The following BABAM2 variants were observed in gnomAD, a reference collection of about 807,000 sequenced individuals.
BABAM2 encodes the protein BRISC and BRCA1-A complex member 2.
In BABAM2, 31 loss-of-function variants were observed where a neutral mutation model predicts 54.7. The ratio of observed to expected loss-of-function variants is 0.57; its 90% CI spans 0.43 to 0.77. The LOEUF (loss-of-function observed/expected upper bound fraction) is 0.77. Among genes scored for constraint, BABAM2 ranks in the 30% least tolerant of loss-of-function variants. The pLI, the probability that BABAM2 is intolerant of heterozygous loss-of-function variation, is 0.00. For missense variants in BABAM2, 364 were observed against 455.8 expected (o/e 0.80, Z 1.83); for synonymous variants, 167 against 162.9 (o/e 1.03, Z -0.19).
At chr2:28,257,836 GT>G (rs1684097688) in intron 10 of BABAM2, among the ~76,000 whole-genome samples, 1 of 152,140 alleles carries the variant, frequency 6.6e-6, no homozygotes, top group Non-Finnish European at 1.5e-5. Context: ...AGTAAGCCAT[GT>G]TCATACCTCT....
chr2:28,220,762 C>T (rs1680328858), intron 7 of BABAM2, among the ~76,000 whole-genome samples: 1 of 152,038 alleles, frequency 6.6e-6, no homozygotes, highest in South Asian at 2.1e-4. Context: ...GACCTTGCTT[C>T]AACAAAAAAT....
intron 3 of BABAM2, among the ~76,000 whole-genome samples, chr2:27,954,096 G>C (rs1024982861): frequency 5.3e-5 from 8 of 152,186 alleles, no homozygotes; most frequent in Non-Finnish European, 1.2e-4. Flanking sequence ...ACAGAAGCCT[G>C]AGTTTGTGGG....
At chr2:28,182,731 G>A (rs775787485) in intron 7 of BABAM2, among the ~76,000 whole-genome samples, 41 of 152,148 alleles carry the variant, frequency 2.7e-4, no homozygotes, top group Non-Finnish European at 4.0e-4. Context: ...TCTGTATACC[G>A]TTACTTTAAA....
intron 5 of BABAM2, among the ~76,000 whole-genome samples, chr2:28,036,662 G>T (rs938360223): frequency 5.3e-5 from 8 of 152,206 alleles, no homozygotes; most frequent in African/African-American, 1.7e-4. Flanking sequence ...AGAAAATTCT[G>T]TGGGTATTAG....
At chr2:28,003,598 C>G (rs1673732555) in intron 4 of BABAM2, among the ~76,000 whole-genome samples, 1 of 152,048 alleles carries the variant, frequency 6.6e-6, no homozygotes, top group Admixed American at 6.5e-5. Flanking sequence ...TCAAAAACAA[C>G]AAACAAACAA....
At chr2:28,332,695 T>G (rs1691068497) in intron 11 of BABAM2, among the ~76,000 whole-genome samples, 1 of 152,194 alleles carries the variant, frequency 6.6e-6, no homozygotes, top group Non-Finnish European at 1.5e-5. Context: ...AGCTGCAGCA[T>G]CATCCCTGGT....
chr2:28,313,035 G>A (rs1194213066), intron 11 of BABAM2, among the ~76,000 whole-genome samples: 1 of 152,158 alleles, frequency 6.6e-6, no homozygotes, highest in Non-Finnish European at 1.5e-5. Flanking sequence ...GAGCAGCACA[G>A]AATCATCAAG....
intron 6 of BABAM2, among the ~76,000 whole-genome samples, chr2:28,121,529 G>A (rs904109699): frequency 1.3e-5 from 2 of 152,044 alleles, no homozygotes; most frequent in African/African-American, 4.8e-5. Context: ...TTTGATTGGG[G>A]CTGTATATGC....
At chr2:28,176,973 A>C (rs752145342) in intron 7 of BABAM2, among the ~76,000 whole-genome samples, 8 of 152,176 alleles carry the variant, frequency 5.3e-5, no homozygotes, top group Non-Finnish European at 1.0e-4. Context: ...CCCAAAAGGC[A>C]TAGAAAAGCC....
chr2:28,142,495 C>T (rs1252210149), intron 7 of BABAM2, among the ~76,000 whole-genome samples: 1 of 152,066 alleles, frequency 6.6e-6, no homozygotes, highest in Non-Finnish European at 1.5e-5. Context: ...TACTGACAAC[C>T]TTTTTTTCCC....
At chr2:28,244,917 C>A in intron 10 of BABAM2, 55 bp downstream of exon 10, 1 of 1,478,424 alleles carries the variant, frequency 6.8e-7, no homozygotes, top group Non-Finnish European at 9.4e-7. Flanking sequence ...TGTCCTAAAC[C>A]ACATGTAATA....
intron 7 of BABAM2, among the ~76,000 whole-genome samples, chr2:28,183,969 CTT>C (rs1257712564): frequency 1.3e-5 from 2 of 152,120 alleles, no homozygotes; most frequent in Non-Finnish European, 2.9e-5. Flanking sequence ...ACACACAACT[CTT>C]TTCTTCATGC....
At chr2:28,312,969 C>T (rs1217463954) in intron 11 of BABAM2, among the ~76,000 whole-genome samples, 2 of 152,280 alleles carry the variant, frequency 1.3e-5, no homozygotes, top group East Asian at 1.9e-4. Context: ...CAAAGCCCAG[C>T]CCAAGCCACC....
rs1486581896 is a variant in BABAM2 at position 28,214,219 on chromosome 2, T to C, written c.681-22983T>C. 1.3e-5 allele frequency among the ~76,000 whole-genome samples: 2 copies of C among 152,290 alleles called. 1 individual carries two copies. Among genetic ancestry groups the C allele is most frequent in the East Asian group, 3.9e-4 (2 of 5,192 alleles). ...GCTTAGTGCAATTTAATCTGATATA[T>C]AGATTCATGTAAACACCACCACAAT... On this transcript the variant is annotated intron_variant, in intron 7 of 11. Transcript: ENST00000379624.
At chr2:28,095,571 AAAAC>A (rs972053946) in intron 6 of BABAM2, among the ~76,000 whole-genome samples, 9 of 152,208 alleles carry the variant, frequency 5.9e-5, no homozygotes, top group Admixed American at 2.0e-4. Flanking sequence ...TCAACGTAAA[AAAAC>A]AAACAAACAA....
chr2:27,917,531 A>G (rs909905961), intron 2 of BABAM2, among the ~76,000 whole-genome samples: 6 of 152,110 alleles, frequency 3.9e-5, no homozygotes, highest in African/African-American at 1.4e-4. Flanking sequence ...CAGAAGGGAA[A>G]AGGGGCAGAC....
intron 3 of BABAM2, among the ~76,000 whole-genome samples, chr2:27,959,656 A>G (rs1670331210): frequency 6.6e-6 from 1 of 152,124 alleles, no homozygotes; most frequent in Non-Finnish European, 1.5e-5. Flanking sequence ...ATACATGTAG[A>G]TAACTCGCTG....
intron 4 of BABAM2, among the ~76,000 whole-genome samples, chr2:28,008,649 A>T (rs1674147148): frequency 6.6e-6 from 1 of 152,206 alleles, no homozygotes; most frequent in Non-Finnish European, 1.5e-5. Flanking sequence ...TGATTTAAAA[A>T]TTAAACACAA....
chr2:28,164,313 A>AC (rs1158763998), intron 7 of BABAM2, among the ~76,000 whole-genome samples: 1 of 151,242 alleles, frequency 6.6e-6, no homozygotes, highest in African/African-American at 2.4e-5. Flanking sequence ...TTGCCCCTAC[A>AC]CCCCCACGTG....
Sources: allele counts gnomAD v4.1 joint callset (sites outside exome capture counted in the v4.1 genomes callset), GRCh38; gene constraint gnomAD v4.1.1; transcripts MANE v1.5; gene names NCBI Gene and HGNC (gene_info 2026-07-23, HGNC 2026-07-21).